ZBTB20: variants seen among roughly 807,000 people sequenced by gnomAD.
The protein encoded by ZBTB20 is zinc finger and BTB domain-containing protein 20.
ZBTB20 carries 9 observed loss-of-function variants against 56.9 expected under a neutral mutation model. That is an observed-to-expected ratio of 0.16 (90% CI 0.10 to 0.28). The LOEUF (loss-of-function observed/expected upper bound fraction) is 0.28. Among genes scored for constraint, ZBTB20 ranks in the 10% least tolerant of loss-of-function variants. ZBTB20 has a pLI of 1.00. For synonymous variants in ZBTB20, 417 were observed against 420.7 expected (o/e 0.99, Z 0.11); for missense variants, 655 against 1,003.0 (o/e 0.65, Z 4.69).
intron 5 of ZBTB20, among the ~76,000 whole-genome samples, chr3:114,721,595 A>G (rs2064917133): frequency 1.3e-5 from 2 of 152,250 alleles, no homozygotes; most frequent in Non-Finnish European, 2.9e-5. Flanking sequence ...TCCATTTTAC[A>G]GATAAGGATT....
At chr3:114,412,219 TTCAA>T (rs1477584583) in intron 7 of ZBTB20, among the ~76,000 whole-genome samples, 1 of 152,140 alleles carries the variant, frequency 6.6e-6, no homozygotes, top group African/African-American at 2.4e-5. Context: ...GCACAAGTAA[TTCAA>T]TCAGTTTTCC....
At chr3:114,634,715 A>C (rs575484815) in intron 6 of ZBTB20, among the ~76,000 whole-genome samples, 1 of 152,350 alleles carries the variant, frequency 6.6e-6, no homozygotes, top group Admixed American at 6.5e-5. Flanking sequence ...ATGTCATATC[A>C]GTACTTCCCC....
intron 2 of ZBTB20, among the ~76,000 whole-genome samples, chr3:114,984,663 A>G (rs1473339502): frequency 6.6e-6 from 1 of 152,056 alleles, no homozygotes; most frequent in Non-Finnish European, 1.5e-5. Flanking sequence ...CTTTCATTGA[A>G]CAACAGTTGA....
chr3:114,849,983 T>A (rs936263913), intron 4 of ZBTB20, among the ~76,000 whole-genome samples: 5 of 136,572 alleles, frequency 3.7e-5, no homozygotes, highest in East Asian at 2.4e-4. Context: ...CACTGCAACC[T>A]CCACCTCCTG....
chr3:114,413,073 T>C lies in ZBTB20; in HGVS notation c.-254-23968A>G, dbSNP rs543483903. On this transcript the variant is annotated intron_variant, in intron 7 of 11. Transcript: ENST00000675478. ...TCTAGTAAAAGGTAACGGCAACTCA[T>C]GGGTGGGATACTTTCTGGATGAAGT... is the stretch of plus-strand genomic sequence containing the variant. Among the ~76,000 whole-genome samples, 20 of 152,186 alleles carry C rather than the reference T, an allele frequency of 1.3e-4. 1 individual carries two copies. The South Asian group carries it at 3.9e-3, about 30-fold the overall frequency.
intron 4 of ZBTB20, among the ~76,000 whole-genome samples, chr3:114,806,958 C>G (rs781664029): frequency 2.0e-5 from 3 of 151,802 alleles, no homozygotes; most frequent in African/African-American, 7.2e-5. Flanking sequence ...ACTTTCAATT[C>G]CATTCCATTG....
chr3:115,005,966 C>G (rs757497177), intron 2 of ZBTB20, among the ~76,000 whole-genome samples: 3 of 151,892 alleles, frequency 2.0e-5, no homozygotes, highest in South Asian at 4.2e-4. Flanking sequence ...ATTCTACCCA[C>G]GTTAATGTCC....
At chr3:114,360,345 T>C (rs1250699296) in intron 10 of ZBTB20, among the ~76,000 whole-genome samples, 1 of 884 alleles carries the variant, frequency 1.1e-3, no homozygotes, top group African/African-American at 1.3e-3. Flanking sequence ...CAAGATTTTC[T>C]TTTTTTTTTT....
chr3:114,660,212 C>T (rs1214423314), intron 6 of ZBTB20, among the ~76,000 whole-genome samples: 1 of 152,158 alleles, frequency 6.6e-6, no homozygotes, highest in Non-Finnish European at 1.5e-5. Flanking sequence ...GATAGTTCTG[C>T]TCAACGAGTA....
intron 5 of ZBTB20, among the ~76,000 whole-genome samples, chr3:114,770,218 C>T (rs1426564454): frequency 6.6e-6 from 1 of 151,812 alleles, no homozygotes; most frequent in Non-Finnish European, 1.5e-5. Flanking sequence ...TCGTATAGAT[C>T]ACCTGAGGTC....
chr3:115,094,839 T>C (rs904617273), intron 1 of ZBTB20, among the ~76,000 whole-genome samples: 2 of 152,144 alleles, frequency 1.3e-5, no homozygotes, highest in East Asian at 3.9e-4. Context: ...TTAAGAATTT[T>C]CCCAATAACA....
intron 7 of ZBTB20, among the ~76,000 whole-genome samples, chr3:114,483,388 G>C (rs777552716): frequency 2.0e-5 from 3 of 151,920 alleles, no homozygotes; most frequent in Non-Finnish European, 4.4e-5. Context: ...TATAAGGAGA[G>C]TAAATAAGCA....
At chr3:114,415,334 G>T (rs533125880) in intron 7 of ZBTB20, among the ~76,000 whole-genome samples, 5 of 152,076 alleles carry the variant, frequency 3.3e-5, no homozygotes, top group Non-Finnish European at 5.9e-5. Flanking sequence ...CTTGATGAAG[G>T]GGCATATAGG....
chr3:114,697,494 T>C (rs931699403), intron 5 of ZBTB20, among the ~76,000 whole-genome samples: 3 of 151,548 alleles, frequency 2.0e-5, no homozygotes, highest in Non-Finnish European at 4.4e-5. Flanking sequence ...TTAAACAGTC[T>C]GAGAAAAGGG....
intron 2 of ZBTB20, among the ~76,000 whole-genome samples, chr3:114,993,320 C>T (rs1264565960): frequency 1.3e-5 from 2 of 151,812 alleles, no homozygotes; most frequent in African/African-American, 4.8e-5. Flanking sequence ...GATATTTGAG[C>T]AGAACCCTGA....
intron 10 of ZBTB20, among the ~76,000 whole-genome samples, chr3:114,364,973 G>A (rs2082252921): frequency 6.6e-6 from 1 of 152,142 alleles, no homozygotes; most frequent in Non-Finnish European, 1.5e-5. Context: ...TTTATCTGAT[G>A]TGCCGGCGCC....
intron 6 of ZBTB20, among the ~76,000 whole-genome samples, chr3:114,693,255 A>G (rs940513909): frequency 6.6e-6 from 1 of 152,178 alleles, no homozygotes; most frequent in South Asian, 2.1e-4. Flanking sequence ...GTATTCTAAA[A>G]TATTTGTCAA....
intron 6 of ZBTB20, among the ~76,000 whole-genome samples, chr3:114,622,291 A>C (rs935005838): frequency 6.6e-6 from 1 of 152,032 alleles, no homozygotes; most frequent in African/African-American, 2.4e-5. Context: ...TGTAAACACC[A>C]TTTCCCTTTC....
chr3:114,717,314 G>C (rs969605267), intron 5 of ZBTB20, among the ~76,000 whole-genome samples: 1 of 152,058 alleles, frequency 6.6e-6, no homozygotes, highest in Non-Finnish European at 1.5e-5. Flanking sequence ...ATACCATAAA[G>C]GAACTTTAGA....
Sources: allele counts gnomAD v4.1 joint callset (sites outside exome capture counted in the v4.1 genomes callset), GRCh38; gene constraint gnomAD v4.1.1; transcripts MANE v1.5; gene names NCBI Gene and HGNC (gene_info 2026-07-23, HGNC 2026-07-21).